Variants in CNKSR2 observed in about 807,000 individuals in gnomAD.
CNKSR2 encodes CNK homolog protein 2.
In CNKSR2, 14 loss-of-function variants were observed where a neutral mutation model predicts 84.4. The ratio of observed to expected loss-of-function variants is 0.17; its 90% CI spans 0.11 to 0.26. The LOEUF (loss-of-function observed/expected upper bound fraction) is 0.26, where lower values mean the gene tolerates loss of function less well. Among genes scored for constraint, CNKSR2 ranks in the 10% least tolerant of loss-of-function variants. The probability of loss-of-function intolerance (pLI) is 1.00; values close to 1 mark genes in which losing one functional copy is unlikely to be tolerated. For synonymous variants in CNKSR2, 275 were observed against 277.9 expected (o/e 0.99, Z 0.10); for missense variants, 485 against 771.2 (o/e 0.63, Z 4.40).
At chrX:21,565,128 G>A (rs550656673) in intron 13 of CNKSR2, among the ~76,000 whole-genome samples, 2 of 111,449 alleles carry the variant, frequency 1.8e-5, no homozygotes, top group Admixed American at 9.6e-5. Context: ...TGAACCTAGA[G>A]AAGGAAGAAG....
chrX:21,537,168 C>T (rs1020111970), intron 11 of CNKSR2, among the ~76,000 whole-genome samples: 3 of 110,950 alleles, frequency 2.7e-5, no homozygotes, highest in Non-Finnish European at 3.8e-5. Context: ...TCCATATAAT[C>T]GTACAGTTTT....
At chrX:21,430,522 A>C (rs1436186937) in intron 2 of CNKSR2, among the ~76,000 whole-genome samples, 1 of 111,790 alleles carries the variant, frequency 8.9e-6, no homozygotes, top group Non-Finnish European at 1.9e-5. Context: ...AATTGTTATA[A>C]TTTGAACTTC....
At chrX:21,587,941 C>G (rs1487314137) in intron 13 of CNKSR2, among the ~76,000 whole-genome samples, 2 of 111,230 alleles carry the variant, frequency 1.8e-5, no homozygotes, top group Admixed American at 9.5e-5. Flanking sequence ...ACAGACAGAT[C>G]AGTAAGGAAA....
intron 4 of CNKSR2, among the ~76,000 whole-genome samples, chrX:21,455,748 G>A (rs2090987847): frequency 8.9e-6 from 1 of 112,214 alleles, no homozygotes; most frequent in Non-Finnish European, 1.9e-5. Flanking sequence ...AAATGGTCAA[G>A]TACCAGCCTA....
At chrX:21,462,391 ATGTT>A (rs993351427) in intron 4 of CNKSR2, among the ~76,000 whole-genome samples, 36 of 112,005 alleles carry the variant, frequency 3.2e-4, no homozygotes, top group Non-Finnish European at 7.5e-5. Flanking sequence ...TATATCCTGT[ATGTT>A]TGACTAAACT....
Position 21,474,420 on chromosome X carries a change from C to G in CNKSR2, c.561+3613C>G, listed in dbSNP as rs187388992. 2.7e-5 allele frequency among the ~76,000 whole-genome samples: 3 copies of G among 111,823 alleles called. No homozygotes were observed. In the East Asian group the frequency reaches 8.5e-4, roughly 32 times the overall value. The stretch of plus-strand genomic sequence containing the variant: ...ATAGGGAACTGAAGTTCGATCCCAT[C>G]GGGACCTTCTGAGAAGCCCTGCAGA... On this transcript the variant is annotated intron_variant, in intron 5 of 21. Coordinates refer to ENST00000379510, the MANE Select transcript of CNKSR2 (RefSeq NM_014927.5).
chrX:21,628,664 A>T (rs1158904610), intron 20 of CNKSR2, among the ~76,000 whole-genome samples: 1 of 111,136 alleles, frequency 9.0e-6, no homozygotes, highest in Non-Finnish European at 1.9e-5. Flanking sequence ...CCTTTTAGTT[A>T]TGGCTGGAGT....
chrX:21,580,827 T>A, intron 13 of CNKSR2, among the ~76,000 whole-genome samples: 1 of 111,999 alleles, frequency 8.9e-6, no homozygotes, highest in South Asian at 3.7e-4. Flanking sequence ...TTTTTTCTGG[T>A]TATAAACATT....
intron 18 of CNKSR2, 61 bp downstream of exon 18, chrX:21,601,410 C>A: frequency 2.8e-6 from 2 of 703,869 alleles, no homozygotes; most frequent in Non-Finnish European, 4.2e-6. Flanking sequence ...TTATCCTATA[C>A]AGAAATTCAT....
intron 4 of CNKSR2, chrX:21,441,402 A>C (rs1398142743): frequency 9.0e-6 from 1 of 111,393 alleles, no homozygotes; most frequent in Non-Finnish European, 1.9e-5. Context: ...ATAATGAAAT[A>C]AAATAGTTAA....
rs73453526 is a variant in CNKSR2, at chrX:21,642,182, C to T, written c.2693-6649C>T. On this transcript the variant is annotated intron_variant, in intron 20 of 21. Transcript: ENST00000379510. ...TATACACAATTTGCTTTGAAACTTA[C>T]TATGTTTATTCTATTATAAAGTGTA... The T allele has an allele frequency of 0.031, 22,929 of 742,098 alleles. 3,590 individuals are homozygous for T. In the African/African-American group the frequency reaches 0.47, roughly 15 times the overall value. The allele number at this position is 742,098 out of a possible 1,213,427, so 61.2% of individuals were successfully genotyped here.
chrX:21,438,270 G>A (rs1177426895), intron 3 of CNKSR2, among the ~76,000 whole-genome samples: 2 of 111,940 alleles, frequency 1.8e-5, no homozygotes, highest in Non-Finnish European at 3.8e-5. Context: ...TAACAGAATG[G>A]TAAGTATTTG....
At chrX:21,495,742 CA>C (rs1472099210) in intron 6 of CNKSR2, 1 of 86,683 alleles carries the variant, frequency 1.2e-5, no homozygotes, top group Non-Finnish European at 2.1e-5. Context: ...GAGATTCTGC[CA>C]CTGCACTCCA....
chrX:21,400,365 A>T lies in CNKSR2; in HGVS notation c.64+25404A>T, dbSNP rs745985991. 6.3e-5 allele frequency among the ~76,000 whole-genome samples: 7 copies of T among 111,059 alleles called. No homozygotes were observed. In the South Asian group the frequency reaches 1.9e-3, roughly 30 times the overall value. On this transcript the variant is annotated intron_variant, in intron 1 of 21. Coordinates refer to ENST00000379510, the MANE Select transcript of CNKSR2 (RefSeq NM_014927.5). ...TAATATACTTGGATGCCCCATTCTGATCATTAAAAAAAGTCATACTTCTGA... is the reference window on the plus strand; with the variant it reads ...TAATATACTTGGATGCCCCATTCTGTTCATTAAAAAAAGTCATACTTCTGA...
chrX:21,542,093 G>T (rs756264145), intron 11 of CNKSR2, among the ~76,000 whole-genome samples: 15 of 112,204 alleles, frequency 1.3e-4, no homozygotes, highest in African/African-American at 4.2e-4. Context: ...CTTAGGAAAA[G>T]ACTGCTAAAT....
rs780377427 is a variant in CNKSR2 at position 21,426,116 on chromosome X, A to T, written c.65-381A>T. ...GATAGATTAGCTTTAAATAGGAAGGATACCTCTTCCTCTGAAGTGGAGTTT... is the reference window on the plus strand; with the variant it reads ...GATAGATTAGCTTTAAATAGGAAGGTTACCTCTTCCTCTGAAGTGGAGTTT... On this transcript the variant is annotated intron_variant, in intron 1 of 21. Coordinates refer to ENST00000379510, the MANE Select transcript of CNKSR2 (RefSeq NM_014927.5). 261 of 147,335 alleles carry T rather than the reference A, an allele frequency of 1.8e-3. 1 individual carries two copies. The highest frequency in any genetic ancestry group is 2.8e-3 in the Non-Finnish European group (214 of 77,802). The allele number at this position is 147,335 out of a possible 1,213,427, so 12.1% of individuals were successfully genotyped here.
chrX:21,619,884 C>T (rs759733535), intron 20 of CNKSR2, among the ~76,000 whole-genome samples: 26 of 110,836 alleles, frequency 2.3e-4, no homozygotes, highest in African/African-American at 7.5e-4. Context: ...AGAAAACACA[C>T]GGGGAGGAGG....
chrX:21,388,754 C>T (rs2090007336), intron 1 of CNKSR2, among the ~76,000 whole-genome samples: 1 of 111,067 alleles, frequency 9.0e-6, no homozygotes, highest in African/African-American at 3.3e-5. Context: ...ATACATACTC[C>T]CTAACTCCCA....
intron 11 of CNKSR2, among the ~76,000 whole-genome samples, chrX:21,556,471 A>G (rs1166673108): frequency 1.8e-5 from 2 of 111,548 alleles, no homozygotes; most frequent in Non-Finnish European, 3.8e-5. Context: ...TCCCTAAGGA[A>G]ATGACATTTT....
Sources: gnomAD v4.1 joint callset for allele counts (sites outside exome capture counted in the v4.1 genomes callset) on GRCh38, gnomAD v4.1.1 for gene constraint, MANE v1.5 for transcripts, NCBI Gene and HGNC (gene_info 2026-07-23, HGNC 2026-07-21) for gene names.